The following UBE2M variants were observed in gnomAD, a reference collection of about 807,000 sequenced individuals.
UBE2M encodes the protein ubiquitin conjugating enzyme E2 M.
In UBE2M, 2 loss-of-function variants were observed where a neutral mutation model predicts 23.5. The observed-to-expected ratio is 0.09, with a 90% CI of 0.03 to 0.27. The LOEUF (loss-of-function observed/expected upper bound fraction) is 0.27. Ranked by LOEUF, UBE2M falls within the 10% of genes least tolerant of loss-of-function variation. The probability of loss-of-function intolerance (pLI) is 1.00; values close to 1 mark genes in which losing one functional copy is unlikely to be tolerated. For synonymous variants in UBE2M, 97 were observed against 95.2 expected (o/e 1.02, Z -0.11); for missense variants, 103 against 232.9 (o/e 0.44, Z 3.63).
chr19:58,557,117 G>A lies in UBE2M; in HGVS notation c.150C>T (p.Ser50=), dbSNP rs1328590889. ...TGAGGAGGTCGTCTGGATCTGAGAA[G>A]CTGATATCACACGTCTTGGGCAGGT... The part of the protein sequence containing the change: ...ELNLPKTCDI[S]FSDPDDLLNF... Residue 50 remains serine, a synonymous_variant, in exon 2 of 6, where the codon AGC becomes AGT. Transcript: ENST00000253023. 1.9e-6 allele frequency: 3 copies of A among 1,613,980 alleles called. No homozygotes were observed. In the African/African-American group the frequency reaches 4.0e-5, roughly 22 times the overall value.
chr19:58,557,036 TG>T (rs1183259121), intron 2 of UBE2M, 26 bp downstream of exon 2: 4 of 1,613,994 alleles, frequency 2.5e-6, no homozygotes, highest in Non-Finnish European at 3.4e-6. Context: ...GGTTTGCTCC[TG>T]GGAATTCAGC....
rs1369063408 is a variant in UBE2M, at chr19:58,556,508, G to A, written c.348-129C>T. ...GTGAGAGGCTGGGAGGGAGGGTGTG[G>A]AGCAGGACAGGCCAAGGAGAAAACC... is the stretch of plus-strand genomic sequence containing the variant. On this transcript the variant is annotated intron_variant, in intron 4 of 5. Coordinates refer to ENST00000253023, the MANE Select transcript of UBE2M (RefSeq NM_003969.4). The surrounding 1 kb of genome is among the most constrained non-coding windows in gnomAD (Gnocchi z 4.9). The A allele has an allele frequency of 1.1e-5, 13 of 1,149,156 alleles. No homozygotes were observed. The highest frequency in any genetic ancestry group is 1.6e-5 in the African/African-American group (1 of 64,418). The allele number at this position is 1,149,156 out of a possible 1,614,324, so 71.2% of individuals were successfully genotyped here. A position where few individuals can be genotyped will look rare whatever the true frequency, so the allele number is the denominator to read the frequency against.
Position 58,558,252 on chromosome 19 carries a change from C to A in UBE2M, c.109+21G>T, listed in dbSNP as rs376658844. On this transcript the variant is annotated intron_variant, in intron 1 of 5. Transcript: ENST00000253023. The surrounding 1 kb of genome is among the most constrained non-coding windows in gnomAD (Gnocchi z 4.7). Reference sequence around the variant, plus strand: ...CCTGACCTCCGACCTCCGGCTCCAACCCCATCCCCTGACCCCCTACCCTTC... The same window carrying A: ...CCTGACCTCCGACCTCCGGCTCCAAACCCATCCCCTGACCCCCTACCCTTC... The A allele has an allele frequency of 6.3e-7, 1 of 1,597,034 alleles. No homozygotes were observed. The highest frequency in any genetic ancestry group is 8.5e-7 in the Non-Finnish European group (1 of 1,171,540).
In UBE2M at chr19:58,557,110, C is replaced by G. The variant is rs1209378163; in HGVS notation, c.157G>C (p.Asp53His). The change falls in exon 2 of 6, where the codon GAT (aspartate) becomes CAT (histidine). Residue 53 changes from aspartate (D) to histidine (H), a missense_variant. Coordinates refer to ENST00000253023, the MANE Select transcript of UBE2M (RefSeq NM_003969.4). ...TTGAAGTTGAGGAGGTCGTCTGGAT[C>G]TGAGAAGCTGATATCACACGTCTTG... ...LPKTCDISFS[D>H]PDDLLNFKLV... 6.2e-7 allele frequency: 1 copy of G among 1,614,056 alleles called. No homozygotes were observed.
intron 1 of UBE2M, 35 bp from the exon 2 acceptor site, chr19:58,557,192 G>GA: frequency 2.5e-6 from 4 of 1,599,764 alleles, no homozygotes; most frequent in Non-Finnish European, 2.6e-6. Context: ...GGAACAGAAA[G>GA]AGGGAGGGGA....
At position 58,556,468 on chromosome 19, in the gene UBE2M, T is replaced by C. The variant is rs961558314; in HGVS notation, c.348-89A>G. On this transcript the variant is annotated intron_variant, in intron 4 of 5. Coordinates refer to ENST00000253023, the MANE Select transcript of UBE2M (RefSeq NM_003969.4). The surrounding 1 kb of genome is among the most constrained non-coding windows in gnomAD (Gnocchi z 4.9). ...TGTTGGGCAGGTCAGATCCAGGGCA[T>C]AGGAGAGTGAGCATGTGAGAGGCTG... is the stretch of plus-strand genomic sequence containing the variant. 76 of 1,414,592 alleles carry C rather than the reference T, an allele frequency of 5.4e-5. No individual in the cohort carries two copies. Among genetic ancestry groups the C allele is most frequent in the Non-Finnish European group, 6.9e-5 (70 of 1,013,834 alleles). 87.6% of individuals were successfully genotyped at this position (1,414,592 alleles called of 1,614,324 possible).
Position 58,556,389 on chromosome 19 carries a change from G to A in UBE2M, c.348-10C>T. 1 of 1,613,580 alleles carries A rather than the reference G, an allele frequency of 6.2e-7. No homozygotes were observed. The highest frequency in any genetic ancestry group is 8.5e-7 in the Non-Finnish European group (1 of 1,179,976). On this transcript the variant is annotated splice_polypyrimidine_tract_variant and intron_variant, in intron 4 of 5. Coordinates refer to ENST00000253023, the MANE Select transcript of UBE2M (RefSeq NM_003969.4). This position sits in a 1 kb window ranked among gnomAD's most constrained non-coding sequence, Gnocchi z 4.9. Reference sequence around the variant, plus strand: ...TGGCTTCCAGTCCTCTCTGTGGACAGAGAGCATCAGGGTCAGGGCTTGGTG... The same window carrying A: ...TGGCTTCCAGTCCTCTCTGTGGACAAAGAGCATCAGGGTCAGGGCTTGGTG...
chr19:58,558,236 C>T lies in UBE2M; in HGVS notation c.109+37G>A. ...TCACCCTGCCTCAGGCCCTGACCTC[C>T]GACCTCCGGCTCCAACCCCATCCCC... On this transcript the variant is annotated intron_variant, in intron 1 of 5. Transcript: ENST00000253023. This position sits in a 1 kb window ranked among gnomAD's most constrained non-coding sequence, Gnocchi z 4.7. The T allele has an allele frequency of 6.3e-7, 1 of 1,575,822 alleles. No individual in the cohort carries two copies. Among genetic ancestry groups the T allele is most frequent in the African/African-American group, 1.4e-5 (1 of 73,490 alleles).
chr19:58,556,269 G>A lies in UBE2M; in HGVS notation c.412-40C>T, dbSNP rs891517422. On this transcript the variant is annotated intron_variant, in intron 5 of 5. Transcript: ENST00000253023. This position sits in a 1 kb window ranked among gnomAD's most constrained non-coding sequence, Gnocchi z 4.9. Reference sequence around the variant, plus strand: ...GGTAGGGGGGGTCAACAGGCCAGAGGGACAGAAGGCCAATCTCCCCAGACC... The same window carrying A: ...GGTAGGGGGGGTCAACAGGCCAGAGAGACAGAAGGCCAATCTCCCCAGACC... 6.2e-7 allele frequency: 1 copy of A among 1,613,996 alleles called. No homozygotes were observed. The highest frequency in any genetic ancestry group is 1.6e-4 in the Middle Eastern group (1 of 6,062).
In UBE2M at chr19:58,558,094, C is replaced by A. The variant is rs111641071; in HGVS notation, c.109+179G>T. Among the ~76,000 whole-genome samples, 369 of 151,750 alleles carry A rather than the reference C, an allele frequency of 2.4e-3. 2 individuals are homozygous for A. Among genetic ancestry groups the A allele is most frequent in the African/African-American group, 8.1e-3 (333 of 41,344 alleles). ...CACATACCGGGCCCCTATCTCTGAC[C>A]CCCTCCCCGTGACTGCATGATCCCA... On this transcript the variant is annotated intron_variant, in intron 1 of 5. Coordinates refer to ENST00000253023, the MANE Select transcript of UBE2M (RefSeq NM_003969.4). This position sits in a 1 kb window ranked among gnomAD's most constrained non-coding sequence, Gnocchi z 4.7.
chr19:58,556,168 C>T lies in UBE2M; in HGVS notation c.473G>A (p.Arg158Gln), dbSNP rs149072696. ...EAAEVLQNNR[R>Q]LFEQNVQRSM... is the part of the protein sequence containing the mutation. ...GCGCTGCACGTTCTGCTCAAACAGC[C>T]GCCGGTTGTTCTGCAGGACCTCTGC... The change falls in exon 6 of 6, where the codon CGG becomes CAG. Residue 158 changes from arginine to glutamine, a missense_variant. By Grantham distance (43) the Arg-to-Gln change is conservative. Around this residue, in one of 3 missense-constraint regions of UBE2M, gnomAD observed 34 missense variants for 45.6 expected, o/e 0.75. Coordinates refer to ENST00000253023, the MANE Select transcript of UBE2M (RefSeq NM_003969.4). This position sits in a 1 kb window ranked among gnomAD's most constrained non-coding sequence, Gnocchi z 4.9. The T allele has an allele frequency of 2.5e-6, 4 of 1,614,124 alleles. No homozygotes were observed. Among genetic ancestry groups the T allele is most frequent in the Non-Finnish European group, 3.4e-6 (4 of 1,180,014 alleles).
chr19:58,558,203 C>T lies in UBE2M; in HGVS notation c.109+70G>A. 1 of 1,366,704 alleles carries T rather than the reference C, an allele frequency of 7.3e-7. No individual in the cohort carries two copies. Among genetic ancestry groups the T allele is most frequent in the South Asian group, 1.3e-5 (1 of 77,628 alleles). 84.7% of individuals were successfully genotyped at this position (1,366,704 alleles called of 1,614,324 possible). ...CAGCAACCGCATTACCCCTTCCTGA[C>T]TCCCACATCACCCTGCCTCAGGCCC... On this transcript the variant is annotated intron_variant, in intron 1 of 5. Transcript: ENST00000253023. The surrounding 1 kb of genome is among the most constrained non-coding windows in gnomAD (Gnocchi z 4.7).
rs2053893207 is a variant in UBE2M, at chr19:58,556,694, T to C, written c.340A>G (p.Ile114Val). ...IDLEGNVCLN[I>V]LREDWKPVLT... ...GAGGGCCAGTGTCCTCACCTGAGGATGTTGAGGCAGACGTTGCCCTCGAGG... is the reference window on the plus strand; with the variant it reads ...GAGGGCCAGTGTCCTCACCTGAGGACGTTGAGGCAGACGTTGCCCTCGAGG... The change falls in exon 4 of 6, where the codon ATC (isoleucine) becomes GTC (valine). Residue 114 changes from isoleucine to valine, a missense_variant. Physicochemically the swap from Ile to Val is conservative, Grantham distance 29. This residue lies in a region of UBE2M where 12 missense variants were observed against 84.0 expected (regional missense o/e 0.14). Transcript: ENST00000253023. The surrounding 1 kb of genome is among the most constrained non-coding windows in gnomAD (Gnocchi z 4.9). 6.5e-7 allele frequency: 1 copy of C among 1,528,298 alleles called. No individual in the cohort carries two copies. Among genetic ancestry groups the C allele is most frequent in the Admixed American group, 2.2e-5 (1 of 46,038 alleles). 94.7% of individuals were successfully genotyped at this position (1,528,298 alleles called of 1,614,324 possible). A position where few individuals can be genotyped will look rare whatever the true frequency, so the allele number is the denominator to read the frequency against.
rs2053891616 is a variant in UBE2M at position 58,556,507 on chromosome 19, G to T, written c.348-128C>A. 1 of 1,158,062 alleles carries T rather than the reference G, an allele frequency of 8.6e-7. No homozygotes were observed. Among genetic ancestry groups the T allele is most frequent in the Non-Finnish European group, 1.2e-6 (1 of 808,076 alleles). The allele number at this position is 1,158,062 out of a possible 1,614,324, so 71.7% of individuals were successfully genotyped here. A position where few individuals can be genotyped will look rare whatever the true frequency, so the allele number is the denominator to read the frequency against. On this transcript the variant is annotated intron_variant, in intron 4 of 5. Transcript: ENST00000253023. This position sits in a 1 kb window ranked among gnomAD's most constrained non-coding sequence, Gnocchi z 4.9. ...TGTGAGAGGCTGGGAGGGAGGGTGT[G>T]GAGCAGGACAGGCCAAGGAGAAAAC...
rs1004245591 is a variant in UBE2M at position 58,555,876 on chromosome 19, C to A, written c.*213G>T. Reference sequence around the variant, plus strand: ...CTAGACAAGCCAATTCATTTCCCATCGCTGAGTGGGTCGGGGGAGGCAGCG... The same window carrying A: ...CTAGACAAGCCAATTCATTTCCCATAGCTGAGTGGGTCGGGGGAGGCAGCG... On this transcript the variant is annotated 3_prime_UTR_variant, in exon 6 of 6. Coordinates refer to ENST00000253023, the MANE Select transcript of UBE2M (RefSeq NM_003969.4). The A allele has an allele frequency of 2.9e-5, 18 of 622,624 alleles. No homozygotes were observed. Among genetic ancestry groups the A allele is most frequent in the African/African-American group, 1.3e-4 (7 of 54,088 alleles). 38.6% of individuals were successfully genotyped at this position (622,624 alleles called of 1,614,324 possible). A position where few individuals can be genotyped will look rare whatever the true frequency, so the allele number is the denominator to read the frequency against.
chr19:58,558,062 A>C lies in UBE2M; in HGVS notation c.109+211T>G, dbSNP rs75038494. 6.0e-3 allele frequency among the ~76,000 whole-genome samples: 916 copies of C among 151,414 alleles called. 10 individuals are homozygous for C. The highest frequency in any genetic ancestry group is 0.021 in the African/African-American group (869 of 41,250). On this transcript the variant is annotated intron_variant, in intron 1 of 5. Coordinates refer to ENST00000253023, the MANE Select transcript of UBE2M (RefSeq NM_003969.4). This position sits in a 1 kb window ranked among gnomAD's most constrained non-coding sequence, Gnocchi z 4.7. ...AGACACCAGGCCTTCCTAATATCCT[A>C]AACCACCACATACCGGGCCCCTATC... is the stretch of plus-strand genomic sequence containing the variant.
rs781314829 is a variant in UBE2M at position 58,558,421 on chromosome 19, G to A, written c.-40C>T. 17 of 1,069,314 alleles carry A rather than the reference G, an allele frequency of 1.6e-5. No individual in the cohort carries two copies. Among genetic ancestry groups the A allele is most frequent in the Middle Eastern group, 7.7e-4 (2 of 2,582 alleles). 66.2% of individuals were successfully genotyped at this position (1,069,314 alleles called of 1,614,324 possible). A position where few individuals can be genotyped will look rare whatever the true frequency, so the allele number is the denominator to read the frequency against. ...CGCCGCTGCCGCCGCCGCGGGGCCC[G>A]GGACCCCGGCCACCCGGCCCCCCGC... On this transcript the variant is annotated 5_prime_UTR_variant, in exon 1 of 6. Coordinates refer to ENST00000253023, the MANE Select transcript of UBE2M (RefSeq NM_003969.4). The surrounding 1 kb of genome is among the most constrained non-coding windows in gnomAD (Gnocchi z 4.7).
Position 58,556,639 on chromosome 19 carries a change from G to A in UBE2M, c.347+48C>T. 1 of 1,466,148 alleles carries A rather than the reference G, an allele frequency of 6.8e-7. No individual in the cohort carries two copies. The highest frequency in any genetic ancestry group is 9.2e-7 in the Non-Finnish European group (1 of 1,089,912). The allele number at this position is 1,466,148 out of a possible 1,614,324, so 90.8% of individuals were successfully genotyped here. A position where few individuals can be genotyped will look rare whatever the true frequency, so the allele number is the denominator to read the frequency against. On this transcript the variant is annotated intron_variant, in intron 4 of 5. Coordinates refer to ENST00000253023, the MANE Select transcript of UBE2M (RefSeq NM_003969.4). The surrounding 1 kb of genome is among the most constrained non-coding windows in gnomAD (Gnocchi z 4.9). Reference sequence around the variant, plus strand: ...TAGTGCCCACAAGACCATGAGGGAGGCCTGGCAGGCAGCGCTGAGGAGGGC... The same window carrying A: ...TAGTGCCCACAAGACCATGAGGGAGACCTGGCAGGCAGCGCTGAGGAGGGC...
chr19:58,556,385 G>A lies in UBE2M; in HGVS notation c.348-6C>T, dbSNP rs778585001. Reference sequence around the variant, plus strand: ...GGACTGGCTTCCAGTCCTCTCTGTGGACAGAGAGCATCAGGGTCAGGGCTT... The same window carrying A: ...GGACTGGCTTCCAGTCCTCTCTGTGAACAGAGAGCATCAGGGTCAGGGCTT... On this transcript the variant is annotated splice_region_variant and splice_polypyrimidine_tract_variant and intron_variant, in intron 4 of 5. Coordinates refer to ENST00000253023, the MANE Select transcript of UBE2M (RefSeq NM_003969.4). This position sits in a 1 kb window ranked among gnomAD's most constrained non-coding sequence, Gnocchi z 4.9. 4.3e-6 allele frequency: 7 copies of A among 1,613,310 alleles called. No homozygotes were observed. In the South Asian group the frequency reaches 6.6e-5, roughly 15 times the overall value.
Sources: gnomAD v4.1 joint callset for allele counts (sites outside exome capture counted in the v4.1 genomes callset) on GRCh38, gnomAD v4.1.1 for gene constraint, gnomAD v4.1.1 regional missense constraint, Gnocchi (gnomAD v3.1) non-coding constraint, MANE v1.5 for transcripts, NCBI Gene and HGNC (gene_info 2026-07-23, HGNC 2026-07-21) for gene names.